Variants in ADAM7 observed in about 807,000 individuals in gnomAD.
ADAM7 encodes disintegrin and metalloproteinase domain-containing protein 7.
In ADAM7, 97 loss-of-function variants were observed where a neutral mutation model predicts 102.9. The observed-to-expected ratio is 0.94, with a 90% CI of 0.80 to 1.12. The LOEUF is 1.12. ADAM7 is among the 50% of genes most tolerant of loss of function. The probability of loss-of-function intolerance (pLI) is 0.00; values close to 1 mark genes in which losing one functional copy is unlikely to be tolerated. For synonymous variants in ADAM7, 334 were observed against 304.4 expected, an observed-to-expected ratio of 1.10 and a Z score of -1.01; for missense variants, 991 against 908.7, an observed-to-expected ratio of 1.09 and a Z score of -1.16.
Position 24,499,238 on chromosome 8 carries a change from G to A in ADAM7, c.1845G>A (p.Val615=). The change falls in exon 17 of 22, where the codon GTG becomes GTA. Residue 615 remains valine, a splice_region_variant and synonymous_variant. Coordinates refer to ENST00000175238, the MANE Select transcript of ADAM7 (RefSeq NM_003817.4). The stretch of plus-strand genomic sequence containing the variant: ...ATGCTTGGTTACTTCATTTCTAGGT[G>A]TGCAACAATGGTGAATGTCTAAACA... ...ASGTKCGEGM[V]CNNGECLNME... 1 of 1,587,406 alleles carries A rather than the reference G, an allele frequency of 6.3e-7. No homozygotes were observed. Among genetic ancestry groups the A allele is most frequent in the East Asian group, 2.3e-5 (1 of 43,042 alleles).
chr8:24,478,686 T>A (rs1383633899), intron 8 of ADAM7, among the ~76,000 whole-genome samples: 2 of 152,200 alleles, frequency 1.3e-5, no homozygotes, highest in Admixed American at 6.5e-5. Flanking sequence ...GGATAACTAA[T>A]TTAAATTTCC....
chr8:24,450,679 A>G (rs1818748320), intron 3 of ADAM7, among the ~76,000 whole-genome samples: 2 of 151,942 alleles, frequency 1.3e-5, no homozygotes, highest in Non-Finnish European at 2.9e-5. Context: ...AGAACTTCCA[A>G]CACTATGTTG....
chr8:24,443,005 A>G (rs1818426670), intron 2 of ADAM7, among the ~76,000 whole-genome samples: 1 of 152,222 alleles, frequency 6.6e-6, no homozygotes, highest in Admixed American at 6.5e-5. Context: ...AAGGGTATTT[A>G]TTCAGATATT....
At chr8:24,456,656 A>G (rs1171291140) in intron 3 of ADAM7, among the ~76,000 whole-genome samples, 1 of 145,850 alleles carries the variant, frequency 6.9e-6, no homozygotes, top group African/African-American at 2.5e-5. Flanking sequence ...TTTTTGCCGT[A>G]GATTACATTT....
Position 24,500,787 on chromosome 8 carries a change from C to T in ADAM7, c.2003-3C>T, listed in dbSNP as rs1820732956. 6.2e-7 allele frequency: 1 copy of T among 1,610,814 alleles called. No homozygotes were observed. The highest frequency in any genetic ancestry group is 1.3e-5 in the African/African-American group (1 of 74,786). On this transcript the variant is annotated splice_region_variant and splice_polypyrimidine_tract_variant and intron_variant, in intron 18 of 21. Transcript: ENST00000175238. ...ATGAAGCCCATGTTTCTTCATGTTG[C>T]AGATATCACCATCTTGGTTGTTGTG...
At chr8:24,506,323 C>A (rs569891177) in intron 20 of ADAM7, among the ~76,000 whole-genome samples, 111 of 152,086 alleles carry the variant, frequency 7.3e-4, no homozygotes, top group African/African-American at 2.3e-3. Flanking sequence ...GGCATAGAGA[C>A]CTACTTCTTA....
rs556348103 is a variant in ADAM7, at chr8:24,454,759, G to C, written c.233+7497G>C. The stretch of plus-strand genomic sequence containing the variant: ...CCGTCTTCTGCATCGCTCACGCTGG[G>C]AGCTGTAGACCGGAGCTGTTCCTAT... On this transcript the variant is annotated intron_variant, in intron 3 of 21. Transcript: ENST00000175238. 2.0e-4 allele frequency among the ~76,000 whole-genome samples: 31 copies of C among 152,218 alleles called. No homozygotes were observed. The South Asian group carries it at 2.5e-3, about 12-fold the overall frequency.
chr8:24,457,673 A>T (rs1253407759), intron 3 of ADAM7, among the ~76,000 whole-genome samples: 1 of 152,150 alleles, frequency 6.6e-6, no homozygotes, highest in Non-Finnish European at 1.5e-5. Flanking sequence ...ACAAGTAAAA[A>T]TTTATAATTT....
intron 3 of ADAM7, among the ~76,000 whole-genome samples, chr8:24,448,282 C>T (rs1818641956): frequency 6.6e-6 from 1 of 152,108 alleles, no homozygotes; most frequent in South Asian, 2.1e-4. Flanking sequence ...TGCAGATGGT[C>T]TGACTGAAGA....
At position 24,463,913 on chromosome 8, in the gene ADAM7, T is replaced by G. The variant is rs768820063; in HGVS notation, c.265T>G (p.Phe89Val). 2.9e-5 allele frequency: 47 copies of G among 1,613,740 alleles called. No homozygotes were observed. Among genetic ancestry groups the G allele is most frequent in the Non-Finnish European group, 3.9e-5 (46 of 1,179,872 alleles). Residue 89 changes from phenylalanine to valine, a missense_variant, in exon 4 of 22, where the codon TTC becomes GTC. Phe to Val is a conservative substitution (Grantham distance 50). Transcript: ENST00000175238. ...EFLGSNYSET[F>V]YSMKGEAFTR... ...CCTAGGCTCAAATTACAGTGAAACA[T>G]TCTACTCCATGAAAGGAGAAGCGTT...
intron 16 of ADAM7, among the ~76,000 whole-genome samples, chr8:24,497,215 T>C (rs1331954618): frequency 6.6e-6 from 1 of 152,188 alleles, no homozygotes; most frequent in African/African-American, 2.4e-5. Flanking sequence ...ATTGTGAGAC[T>C]TCCCCAGCCA....
Position 24,447,184 on chromosome 8 carries a change from A to G in ADAM7, c.157-2A>G, listed in dbSNP as rs756646567. On this transcript the variant is annotated splice_acceptor_variant, in intron 2 of 21. Transcript: ENST00000175238. LOFTEE classifies it high-confidence loss of function. ...AGTCACGTGATGCCTCTTCTTTTTT[A>G]GAAAACGTATGAAGAAGAATTGTTG... The G allele has an allele frequency of 2.7e-5, 41 of 1,530,924 alleles. No homozygotes were observed. The East Asian group carries it at 7.7e-4, about 29-fold the overall frequency. The allele number at this position is 1,530,924 out of a possible 1,614,324, so 94.8% of individuals were successfully genotyped here.
At position 24,501,386 on chromosome 8, in the gene ADAM7, A is replaced by T. The variant is rs896760554; in HGVS notation, c.2109-91A>T. ...GTAATGAAATGGAAATTTTTGAAATATAAAAATTACTAAAGCTTACTCATG... is the reference window on the plus strand; with the variant it reads ...GTAATGAAATGGAAATTTTTGAAATTTAAAAATTACTAAAGCTTACTCATG... On this transcript the variant is annotated intron_variant, in intron 19 of 21. Transcript: ENST00000175238. The T allele has an allele frequency of 2.0e-5, 19 of 929,316 alleles. No individual in the cohort carries two copies. The South Asian group carries it at 3.3e-4, about 16-fold the overall frequency. 57.6% of individuals were successfully genotyped at this position (929,316 alleles called of 1,614,324 possible).
At chr8:24,460,732 T>C (rs899426352) in intron 3 of ADAM7, among the ~76,000 whole-genome samples, 1 of 139,402 alleles carries the variant, frequency 7.2e-6, no homozygotes, top group Non-Finnish European at 1.5e-5. Context: ...CATATATATG[T>C]GTGTATATAT....
intron 20 of ADAM7, among the ~76,000 whole-genome samples, chr8:24,506,433 T>C (rs1022767128): frequency 6.6e-6 from 1 of 152,236 alleles, no homozygotes; most frequent in East Asian, 1.9e-4. Context: ...TTCACCATGA[T>C]ACATGCATTT....
In ADAM7 at chr8:24,476,573, C is replaced by G. The variant is rs1255263163; in HGVS notation, c.705+69C>G. 7.0e-5 allele frequency: 89 copies of G among 1,263,886 alleles called. No homozygotes were observed. The South Asian group carries it at 1.1e-3, about 16-fold the overall frequency. The allele number at this position is 1,263,886 out of a possible 1,614,324, so 78.3% of individuals were successfully genotyped here. On this transcript the variant is annotated intron_variant, in intron 8 of 21. Coordinates refer to ENST00000175238, the MANE Select transcript of ADAM7 (RefSeq NM_003817.4). Reference sequence around the variant, plus strand: ...GCAAAGAACCTTTCAGCGCAGTTCTCTGCTGGACTATTGTAGTTACCTGAT... The same window carrying G: ...GCAAAGAACCTTTCAGCGCAGTTCTGTGCTGGACTATTGTAGTTACCTGAT...
chr8:24,482,543 T>C (rs576437988), intron 9 of ADAM7, among the ~76,000 whole-genome samples: 1 of 151,446 alleles, frequency 6.6e-6, no homozygotes, highest in Non-Finnish European at 1.5e-5. Flanking sequence ...AGCCTAGGAG[T>C]TCAAGACCAG....
Position 24,485,323 on chromosome 8 carries a change from G to T in ADAM7, c.922G>T (p.Gly308Cys), listed in dbSNP as rs760505732. 3.7e-6 allele frequency: 6 copies of T among 1,613,364 alleles called. No individual in the cohort carries two copies. In the South Asian group the frequency reaches 4.4e-5, roughly 12 times the overall value. Reference sequence around the variant, plus strand: ...TGTGCAAGGAATTTCTTATCCAGGGGGTATGTGCCTGCCCTATTATTCCAC... The same window carrying T: ...TGTGCAAGGAATTTCTTATCCAGGGTGTATGTGCCTGCCCTATTATTCCAC... ...SHVQGISYPGGMCLPYYSTSI... is the reference protein window; with the variant it reads ...SHVQGISYPGCMCLPYYSTSI... Residue 308 changes from glycine to cysteine, a missense_variant, in exon 10 of 22, where the codon GGT becomes TGT. Physicochemically the swap from Gly to Cys is radical, Grantham distance 159. Coordinates refer to ENST00000175238, the MANE Select transcript of ADAM7 (RefSeq NM_003817.4).
intron 20 of ADAM7, among the ~76,000 whole-genome samples, chr8:24,506,870 T>C (rs1318417452): frequency 6.6e-6 from 1 of 152,032 alleles, no homozygotes; most frequent in Non-Finnish European, 1.5e-5. Context: ...GGTTACTCAG[T>C]AGAGCACCTC....
Sources: allele counts gnomAD v4.1 joint callset (sites outside exome capture counted in the v4.1 genomes callset), GRCh38; gene constraint gnomAD v4.1.1; transcripts MANE v1.5; gene names NCBI Gene and HGNC (gene_info 2026-07-23, HGNC 2026-07-21).